Variants in DCDC2 observed in about 807,000 individuals in gnomAD.
DCDC2 encodes the protein doublecortin domain containing 2.
Under a neutral mutation model 50.2 loss-of-function variants are expected in DCDC2, and 40 were observed. The observed-to-expected ratio is 0.80, with a 90% CI of 0.62 to 1.04. The LOEUF (loss-of-function observed/expected upper bound fraction) is 1.04, where lower values mean the gene tolerates loss of function less well. Ranked by LOEUF, DCDC2 falls within the 50% of genes least tolerant of loss-of-function variation. The pLI is 0.00. For synonymous variants in DCDC2, 234 were observed against 210.6 expected (o/e 1.11, Z -0.96); for missense variants, 570 against 581.9 (o/e 0.98, Z 0.21).
At chr6:24,283,229 T>G (rs1026234634) in intron 6 of DCDC2, among the ~76,000 whole-genome samples, 11 of 152,240 alleles carry the variant, frequency 7.2e-5, no homozygotes, top group African/African-American at 2.7e-4. Flanking sequence ...AGATAATTTA[T>G]TTACATCTTC....
chr6:24,312,317 G>A (rs147677995), intron 2 of DCDC2, among the ~76,000 whole-genome samples: 8 of 152,184 alleles, frequency 5.3e-5, no homozygotes, highest in East Asian at 1.9e-4. Context: ...ACATGGACAC[G>A]TAACACCTCA....
At chr6:24,210,017 AGG>A (rs201560795) in intron 7 of DCDC2, among the ~76,000 whole-genome samples, 17 of 99,840 alleles carry the variant, frequency 1.7e-4, no homozygotes, top group African/African-American at 5.2e-4. Flanking sequence ...CAGCAGTATC[AGG>A]GTGTGTGTGT....
At chr6:24,318,872 T>G (rs1478078901) in intron 2 of DCDC2, among the ~76,000 whole-genome samples, 1 of 152,066 alleles carries the variant, frequency 6.6e-6, no homozygotes, top group African/African-American at 2.4e-5. Flanking sequence ...TCTGCTATTG[T>G]GAATAGTGCT....
chr6:24,332,941 A>T (rs1759992021), intron 2 of DCDC2, among the ~76,000 whole-genome samples: 1 of 152,172 alleles, frequency 6.6e-6, no homozygotes, highest in South Asian at 2.1e-4. Flanking sequence ...ATGCAACCCC[A>T]CAAAGGTAAA....
chr6:24,344,013 G>A lies in DCDC2; in HGVS notation c.348+9556C>T, dbSNP rs374824410. On this transcript the variant is annotated intron_variant, in intron 2 of 9. Coordinates refer to ENST00000378454, the MANE Select transcript of DCDC2 (RefSeq NM_016356.5). ...CTCATTTAGCAATTTTCAAATATAC[G>A]GTATTATTAATTATAATCAACATGC... is the stretch of plus-strand genomic sequence containing the variant. Among the ~76,000 whole-genome samples the A allele has an allele frequency of 2.2e-3, 339 of 152,092 alleles. 3 individuals carry two copies. Among genetic ancestry groups the A allele is most frequent in the Middle Eastern group, 0.014 (4 of 294 alleles).
At chr6:24,301,361 G>A (rs374630485) in intron 4 of DCDC2, among the ~76,000 whole-genome samples, 3,243 of 93,488 alleles carry the variant, frequency 0.035, 71 homozygotes, top group African/African-American at 0.08. Flanking sequence ...ACAGAGCAAG[G>A]CTCCATCTCA....
chr6:24,185,788 C>T (rs527468211), intron 8 of DCDC2, among the ~76,000 whole-genome samples: 1 of 151,730 alleles, frequency 6.6e-6, no homozygotes, highest in African/African-American at 2.4e-5. Context: ...AAGGGCACTC[C>T]CTCTATGTAA....
chr6:24,249,048 C>T (rs905996786), intron 7 of DCDC2, among the ~76,000 whole-genome samples: 1 of 152,026 alleles, frequency 6.6e-6, no homozygotes, highest in Non-Finnish European at 1.5e-5. Context: ...ACCATAATTT[C>T]CAAGGTTCCT....
intron 8 of DCDC2, among the ~76,000 whole-genome samples, chr6:24,197,718 G>A (rs148108918): frequency 1.7e-4 from 26 of 152,276 alleles, no homozygotes; most frequent in Admixed American, 9.8e-4. Context: ...CTGCTGCACT[G>A]TTAAGACAAA....
chr6:24,181,464 T>C (rs774785798), intron 8 of DCDC2, among the ~76,000 whole-genome samples: 1 of 152,114 alleles, frequency 6.6e-6, no homozygotes, highest in Non-Finnish European at 1.5e-5. Flanking sequence ...AAGGGAAAGA[T>C]GGGTGTTGTC....
intron 8 of DCDC2, among the ~76,000 whole-genome samples, chr6:24,182,258 AT>A (rs1761091114): frequency 6.6e-6 from 1 of 152,234 alleles, no homozygotes; most frequent in South Asian, 2.1e-4. Flanking sequence ...CTTGGTGGTA[AT>A]TTCTTACATA....
chr6:24,362,823 A>G (rs1760691779), upstream of DCDC2, among the ~76,000 whole-genome samples: 1 of 152,218 alleles, frequency 6.6e-6, no homozygotes, highest in African/African-American at 2.4e-5. Context: ...TCTTCTTCAC[A>G]GAACACATTT....
At chr6:24,376,825 AAAAAAG>A in the DCDC2 span, among the ~76,000 whole-genome samples, 2,985 of 151,692 alleles carry the variant, frequency 0.02, 51 homozygotes, top group African/African-American at 0.035. Context: ...AATAAAAAAA[AAAAAAG>A]AAAGAAACTC....
At chr6:24,361,311 T>C (rs762139911), upstream of DCDC2, among the ~76,000 whole-genome samples, 10 of 151,404 alleles carry the variant, frequency 6.6e-5, no homozygotes, top group Non-Finnish European at 1.3e-4. Context: ...GCAGAAAAAA[T>C]AACTGTTGAG....
chr6:24,227,569 C>T (rs1023745955), intron 7 of DCDC2, among the ~76,000 whole-genome samples: 2 of 152,196 alleles, frequency 1.3e-5, no homozygotes, highest in African/African-American at 4.8e-5. Context: ...TGAGACAGGC[C>T]ATAGCCATGC....
chr6:24,225,785 T>C lies in DCDC2; in HGVS notation c.923-20683A>G, dbSNP rs566688437. The stretch of plus-strand genomic sequence containing the variant: ...TCTGAAATTATTTTTTGTTTTTTAA[T>C]TTGACTACCTAATTCAGCCTAAATG... On this transcript the variant is annotated intron_variant, in intron 7 of 9. Transcript: ENST00000378454. Among the ~76,000 whole-genome samples the C allele has an allele frequency of 1.0e-3, 158 of 152,344 alleles. 1 individual carries two copies. Among genetic ancestry groups the C allele is most frequent in the Non-Finnish European group, 1.9e-3 (127 of 68,030 alleles).
chr6:24,312,726 A>G (rs16889066), intron 2 of DCDC2, among the ~76,000 whole-genome samples: 12,219 of 152,228 alleles, frequency 0.08, 658 homozygotes, highest in African/African-American at 0.16. Context: ...TTTCCTCCCA[A>G]TAATGGATAC....
At chr6:24,232,292 T>A (rs541564248) in intron 7 of DCDC2, among the ~76,000 whole-genome samples, 1 of 152,320 alleles carries the variant, frequency 6.6e-6, no homozygotes, top group East Asian at 1.9e-4. Context: ...CACTAAGTTT[T>A]CAAACACCTA....
At position 24,178,659 on chromosome 6, in the gene DCDC2, A is replaced by G. The variant is rs75899525; in HGVS notation, c.1024-27T>C. On this transcript the variant is annotated intron_variant, in intron 8 of 9. Coordinates refer to ENST00000378454, the MANE Select transcript of DCDC2 (RefSeq NM_016356.5). ...TGATGGATCAAAAGGAATAATGGAT[A>G]AAAGTAAGAAGCATAACAGAACATT... 4.5e-3 allele frequency: 7,120 copies of G among 1,591,750 alleles called. 249 individuals are homozygous for G. In the African/African-American group the frequency reaches 0.082, roughly 18 times the overall value.
Sources: gnomAD v4.1 joint callset for allele counts (sites outside exome capture counted in the v4.1 genomes callset) on GRCh38, gnomAD v4.1.1 for gene constraint, MANE v1.5 for transcripts, NCBI Gene and HGNC (gene_info 2026-07-23, HGNC 2026-07-21) for gene names.